RAB3GAP2: variants seen among roughly 807,000 people sequenced by gnomAD.
The protein encoded by RAB3GAP2 is rab3 GTPase-activating protein non-catalytic subunit.
RAB3GAP2 carries 87 observed loss-of-function variants against 185.3 expected under a neutral mutation model. The ratio of observed to expected loss-of-function variants is 0.47; its 90% CI spans 0.39 to 0.56. The LOEUF is 0.56. RAB3GAP2 is among the 20% of genes least tolerant of loss of function. The pLI is 0.00. For missense variants in RAB3GAP2, 1,492 were observed against 1,638.2 expected (o/e 0.91, Z 1.54); for synonymous variants, 554 against 576.1 (o/e 0.96, Z 0.55).
intron 2 of RAB3GAP2, among the ~76,000 whole-genome samples, chr1:220,221,120 T>C (rs1247415259): frequency 1.3e-5 from 2 of 152,222 alleles, no homozygotes; most frequent in African/African-American, 4.8e-5. Flanking sequence ...TATTTCTTCA[T>C]ATACTGGAAA....
At chr1:220,266,059 G>T (rs550884273) in intron 1 of RAB3GAP2, 2 of 152,770 alleles carry the variant, frequency 1.3e-5, no homozygotes, top group African/African-American at 4.8e-5. Context: ...GAAAGGGTAG[G>T]GTTCAGCATC....
chr1:220,213,158 C>G (rs1659114390), intron 3 of RAB3GAP2, among the ~76,000 whole-genome samples, 190 bp from the exon 4 acceptor site: 1 of 152,096 alleles, frequency 6.6e-6, no homozygotes, highest in African/African-American at 2.4e-5. Context: ...TACACCTAGT[C>G]TCCTGGCCTT....
intron 28 of RAB3GAP2, among the ~76,000 whole-genome samples, chr1:220,159,826 C>T (rs111366488): frequency 0.047 from 7,127 of 151,768 alleles, 208 homozygotes; most frequent in African/African-American, 0.079. Flanking sequence ...AGACCAGCCT[C>T]GCCAACATGG....
intron 1 of RAB3GAP2, among the ~76,000 whole-genome samples, chr1:220,268,430 A>G (rs1660270498): frequency 6.6e-6 from 1 of 152,238 alleles, no homozygotes; most frequent in Non-Finnish European, 1.5e-5. Context: ...CGTAGAGTAC[A>G]GTCTCTCATA....
chr1:220,245,899 C>T (rs561471092), intron 1 of RAB3GAP2, among the ~76,000 whole-genome samples: 5 of 152,276 alleles, frequency 3.3e-5, no homozygotes, highest in Non-Finnish European at 5.9e-5. Flanking sequence ...CACCCCCCAG[C>T]GGGGGCAGAC....
intron 9 of RAB3GAP2, 98 bp from the exon 10 acceptor site, chr1:220,196,496 T>C: frequency 1.6e-6 from 2 of 1,222,532 alleles, no homozygotes; most frequent in Non-Finnish European, 1.2e-6. Flanking sequence ...TTTAGTTTTA[T>C]TTAATAACCA....
chr1:220,257,302 TG>T lies in RAB3GAP2; in HGVS notation c.115+14920del, dbSNP rs1357877970. On this transcript the variant is annotated intron_variant, in intron 1 of 34. Transcript: ENST00000358951. Reference sequence around the variant, plus strand: ...CTGAGGCAGGAGACTCACTTGAACCTGGGAGGCGGAGGTTGCAGTGAGTGAA... The same window carrying T: ...CTGAGGCAGGAGACTCACTTGAACCTGGAGGCGGAGGTTGCAGTGAGTGAA... 2.0e-5 allele frequency among the ~76,000 whole-genome samples: 3 copies of T among 151,332 alleles called. No homozygotes were observed. In the East Asian group the frequency reaches 5.8e-4, roughly 29 times the overall value.
chr1:220,208,710 C>G (rs1282960732), intron 7 of RAB3GAP2, among the ~76,000 whole-genome samples: 1 of 151,710 alleles, frequency 6.6e-6, no homozygotes, highest in African/African-American at 2.4e-5. Flanking sequence ...TTAATTTCTT[C>G]TTCAAAACAA....
chr1:220,212,286 AT>A (rs1317585972), intron 4 of RAB3GAP2, among the ~76,000 whole-genome samples: 4 of 152,234 alleles, frequency 2.6e-5, no homozygotes, highest in Admixed American at 1.3e-4. Context: ...AAAATTAGTA[AT>A]GGAGAACAGA....
Position 220,151,661 on chromosome 1 carries a change from C to T in RAB3GAP2, c.3971G>A (p.Gly1324Glu). Residue 1324 changes from glycine (G) to glutamate (E), a missense_variant, in exon 34 of 35, where the codon GGA (glycine) becomes GAA (glutamate). Around this residue, in one of 5 missense-constraint regions of RAB3GAP2, gnomAD observed 387 missense variants for 455.3 expected, o/e 0.85. Transcript: ENST00000358951. ...HALLHTQTKE[G>E]MELLARLPPT... ...TGGAAGTCTGGCAAGCAGCTCCATT[C>T]CTTCTTTTGTCTGGGTGTGGAGAAG... The T allele has an allele frequency of 1.2e-6, 2 of 1,612,142 alleles. No homozygotes were observed. Among genetic ancestry groups the T allele is most frequent in the Non-Finnish European group, 1.7e-6 (2 of 1,178,214 alleles).
chr1:220,195,182 A>C lies in RAB3GAP2; in HGVS notation c.1041-15T>G, dbSNP rs965811472. The C allele has an allele frequency of 5.0e-6, 8 of 1,613,708 alleles. No individual in the cohort carries two copies. In the African/African-American group the frequency reaches 1.1e-4, roughly 22 times the overall value. ...CAAGCCAACCACTGAAAAGAAAGAA[A>C]ACTTAGAATATAAAACTGAGCTTCC... On this transcript the variant is annotated splice_polypyrimidine_tract_variant and intron_variant, in intron 11 of 34. Transcript: ENST00000358951.
intron 8 of RAB3GAP2, among the ~76,000 whole-genome samples, chr1:220,203,470 G>GTA: frequency 6.6e-6 from 1 of 152,272 alleles, no homozygotes; most frequent in South Asian, 2.1e-4. Context: ...TTATGGCTAA[G>GTA]TAACCAGAAC....
At chr1:220,197,177 G>T (rs1571894957) in intron 9 of RAB3GAP2, among the ~76,000 whole-genome samples, 1 of 151,916 alleles carries the variant, frequency 6.6e-6, no homozygotes, top group East Asian at 1.9e-4. Flanking sequence ...TAGTAGAGAC[G>T]AAGTTTTGCC....
At chr1:220,192,663 C>T (rs749112780) in intron 13 of RAB3GAP2, among the ~76,000 whole-genome samples, 17 of 152,284 alleles carry the variant, frequency 1.1e-4, no homozygotes, top group South Asian at 8.3e-4. Flanking sequence ...GCTTCCTTCC[C>T]GGAATGCAGA....
At chr1:220,193,132 T>C in intron 13 of RAB3GAP2, 108 bp downstream of exon 13, 1 of 1,388,116 alleles carries the variant, frequency 7.2e-7, no homozygotes. Context: ...AATGTAAACA[T>C]GAAGAATTAA....
At chr1:220,188,848 TA>T (rs1236692069) in intron 17 of RAB3GAP2, among the ~76,000 whole-genome samples, 1 of 152,112 alleles carries the variant, frequency 6.6e-6, no homozygotes, top group Non-Finnish European at 1.5e-5. Flanking sequence ...TATGGCATAG[TA>T]AATGAATCAA....
intron 15 of RAB3GAP2, 49 bp downstream of exon 15, chr1:220,190,328 G>C: frequency 6.2e-7 from 1 of 1,612,508 alleles, no homozygotes; most frequent in Non-Finnish European, 8.5e-7. Context: ...CTAGGAACTA[G>C]GAAAAGTTAG....
intron 33 of RAB3GAP2, among the ~76,000 whole-genome samples, chr1:220,152,420 G>C (rs1025782798): frequency 2.0e-5 from 3 of 152,162 alleles, no homozygotes; most frequent in African/African-American, 7.2e-5. Flanking sequence ...CATGGGCTCC[G>C]AGACCTAGGA....
At chr1:220,233,611 A>G (rs899763029) in intron 1 of RAB3GAP2, among the ~76,000 whole-genome samples, 1 of 152,216 alleles carries the variant, frequency 6.6e-6, no homozygotes, top group Non-Finnish European at 1.5e-5. Context: ...TAAAGTACAA[A>G]TAAAACTTTA....
Sources: gnomAD v4.1 joint callset for allele counts (sites outside exome capture counted in the v4.1 genomes callset) on GRCh38, gnomAD v4.1.1 for gene constraint, gnomAD v4.1.1 regional missense constraint, MANE v1.5 for transcripts, NCBI Gene and HGNC (gene_info 2026-07-23, HGNC 2026-07-21) for gene names.